The following PRDM5 variants were observed in gnomAD, a reference collection of about 807,000 sequenced individuals.
PRDM5 encodes the protein PR/SET domain 5.
Under a neutral mutation model 81.2 loss-of-function variants are expected in PRDM5, and 56 were observed. The ratio of observed to expected loss-of-function variants is 0.69; its 90% confidence interval spans 0.56 to 0.86. The LOEUF (loss-of-function observed/expected upper bound fraction) is 0.86. Ranked by LOEUF, PRDM5 falls within the 40% of genes least tolerant of loss-of-function variation. The probability of loss-of-function intolerance (pLI) is 0.00; values close to 1 mark genes in which losing one functional copy is unlikely to be tolerated. For missense variants in PRDM5, 697 were observed against 770.1 expected (o/e 0.91, Z 1.12); for synonymous variants, 267 against 256.4 (o/e 1.04, Z -0.39).
At chr4:120,686,285 A>G (rs756486821) in intron 1 of PRDM5, among the ~76,000 whole-genome samples, 1 of 152,024 alleles carries the variant, frequency 6.6e-6, no homozygotes, top group Non-Finnish European at 1.5e-5. Context: ...TACTCCTTTC[A>G]TTCTTCTTTC....
At chr4:120,863,191 T>TACACAC (rs370387683) in intron 2 of PRDM5, among the ~76,000 whole-genome samples, 7,426 of 69,876 alleles carry the variant, frequency 0.11, 527 homozygotes, top group Middle Eastern at 0.16. Context: ...TATATATATA[T>TACACAC]ACACACACAC....
chr4:120,885,126 C>T (rs1315520221), intron 2 of PRDM5, among the ~76,000 whole-genome samples: 6 of 118,322 alleles, frequency 5.1e-5, no homozygotes, highest in African/African-American at 1.9e-4. Flanking sequence ...CAGAGCAAGA[C>T]TCCGTATCAA....
chr4:120,793,660 T>C (rs1750909646), intron 10 of PRDM5, among the ~76,000 whole-genome samples: 1 of 152,204 alleles, frequency 6.6e-6, no homozygotes. Context: ...CAAATAAAAA[T>C]TGTATCTATA....
intron 3 of PRDM5, chr4:120,838,613 ACCT>A (rs1311327622): frequency 6.6e-6 from 1 of 152,230 alleles, no homozygotes; most frequent in African/African-American, 2.4e-5. Context: ...AAACTGTTCC[ACCT>A]CAGATCACCA....
intron 13 of PRDM5, among the ~76,000 whole-genome samples, chr4:120,768,994 G>C (rs1046327361): frequency 1.3e-5 from 2 of 152,224 alleles, no homozygotes; most frequent in African/African-American, 4.8e-5. Flanking sequence ...AGATTGGGAA[G>C]TGTAGCATTT....
chr4:120,706,688 G>A (rs59315146), intron 15 of PRDM5, among the ~76,000 whole-genome samples: 4,797 of 65,048 alleles, frequency 0.074, 262 homozygotes, highest in African/African-American at 0.21. Flanking sequence ...GATGAGTAAC[G>A]TGTCATTTGG....
intron 2 of PRDM5, among the ~76,000 whole-genome samples, chr4:120,855,692 T>A (rs943730794): frequency 8.5e-5 from 13 of 152,210 alleles, no homozygotes; most frequent in Non-Finnish European, 1.8e-4. Flanking sequence ...CTGTTTATAT[T>A]GACAAAAAGC....
At chr4:120,888,370 G>A (rs79336395) in intron 2 of PRDM5, among the ~76,000 whole-genome samples, 2,222 of 152,242 alleles carry the variant, frequency 0.015, 155 homozygotes, top group East Asian at 0.14. Flanking sequence ...GAATCAAACA[G>A]ATGTATTCCA....
intron 15 of PRDM5, among the ~76,000 whole-genome samples, chr4:120,706,902 C>A (rs181961175): frequency 8.2e-4 from 124 of 151,284 alleles, no homozygotes; most frequent in Non-Finnish European, 1.1e-3. Context: ...ATTAAAAAGA[C>A]CAATAAAGAG....
At chr4:120,785,547 C>T (rs1248415909) in intron 10 of PRDM5, among the ~76,000 whole-genome samples, 2 of 152,090 alleles carry the variant, frequency 1.3e-5, no homozygotes, top group Non-Finnish European at 2.9e-5. Flanking sequence ...TGAATCAGTT[C>T]AAATAATTCT....
At chr4:120,805,353 A>T (rs1294008235) in intron 8 of PRDM5, among the ~76,000 whole-genome samples, 2 of 152,242 alleles carry the variant, frequency 1.3e-5, no homozygotes, top group Non-Finnish European at 2.9e-5. Flanking sequence ...TCATTTTGTG[A>T]GGCCAGCATC....
At chr4:120,715,859 G>C (rs1578453680) in intron 14 of PRDM5, among the ~76,000 whole-genome samples, 1 of 152,112 alleles carries the variant, frequency 6.6e-6, no homozygotes, top group Non-Finnish European at 1.5e-5. Flanking sequence ...GCAAGAAGAG[G>C]TATCAGGGAA....
intron 14 of PRDM5, among the ~76,000 whole-genome samples, chr4:120,727,788 A>G (rs1033037072): frequency 1.3e-5 from 2 of 151,952 alleles, no homozygotes; most frequent in African/African-American, 4.8e-5. Context: ...ATACAAAAAA[A>G]TTAGCTGGAC....
At chr4:120,865,599 A>T (rs937677131) in intron 2 of PRDM5, among the ~76,000 whole-genome samples, 2 of 152,182 alleles carry the variant, frequency 1.3e-5, no homozygotes, top group African/African-American at 4.8e-5. Context: ...GGTTATAGCG[A>T]TGCATGGTTG....
rs1553941480 is a variant in PRDM5, at chr4:120,695,314, T to C, written c.1729-39A>G. On this transcript the variant is annotated intron_variant, in intron 15 of 15. Transcript: ENST00000264808. ...AAAGACCAACCATATTATACTGAAA[T>C]AAACAAAATTTATAAACAAAATTTA... 6.8e-6 allele frequency: 11 copies of C among 1,607,382 alleles called. No individual in the cohort carries two copies. The South Asian group carries it at 1.2e-4, about 18-fold the overall frequency.
At chr4:120,742,747 C>T (rs998732426) in intron 14 of PRDM5, among the ~76,000 whole-genome samples, 25 of 152,044 alleles carry the variant, frequency 1.6e-4, no homozygotes, top group Middle Eastern at 6.8e-3. Flanking sequence ...TAAAAAGAAA[C>T]GAGCAAAGCC....
rs1326321907 is a variant in PRDM5 at position 120,746,724 on chromosome 4, C to T, written c.1623+7829G>A. Among the ~76,000 whole-genome samples, 3 of 147,322 alleles carry T rather than the reference C, an allele frequency of 2.0e-5. No individual in the cohort carries two copies. The Admixed American group carries it at 2.1e-4, about 10-fold the overall frequency. On this transcript the variant is annotated intron_variant, in intron 14 of 15. Coordinates refer to ENST00000264808, the MANE Select transcript of PRDM5 (RefSeq NM_018699.4). Reference sequence around the variant, plus strand: ...GCCATCAGAGAAATGCAAATCAAAACCACAATGAGATACCATCTCACACCA... The same window carrying T: ...GCCATCAGAGAAATGCAAATCAAAATCACAATGAGATACCATCTCACACCA...
chr4:120,689,436 C>T (rs1390560), downstream of PRDM5, among the ~76,000 whole-genome samples: 146,217 of 151,970 alleles, frequency 0.96, 70,606 homozygotes, highest in Non-Finnish European at 1. Flanking sequence ...TAAAGCTATG[C>T]ACTGTGTTTG....
Position 120,692,643 on chromosome 4 carries a change from C to T in PRDM5, c.*2468G>A, listed in dbSNP as rs766852926. 6.6e-6 allele frequency: 1 copy of T among 152,040 alleles called. No homozygotes were observed. Among genetic ancestry groups the T allele is most frequent in the Non-Finnish European group, 1.5e-5 (1 of 67,998 alleles). 9.4% of individuals were successfully genotyped at this position (152,040 alleles called of 1,614,324 possible). A position where few individuals can be genotyped will look rare whatever the true frequency, so the allele number is the denominator to read the frequency against. Reference sequence around the variant, plus strand: ...TGAACCCACCTACATTATTGAACGTCTCTTAAATTTACTTAGCCAATTTCT... The same window carrying T: ...TGAACCCACCTACATTATTGAACGTTTCTTAAATTTACTTAGCCAATTTCT... On this transcript the variant is annotated 3_prime_UTR_variant, in exon 16 of 16. Coordinates refer to ENST00000264808, the MANE Select transcript of PRDM5 (RefSeq NM_018699.4).
Sources: allele counts gnomAD v4.1 joint callset (sites outside exome capture counted in the v4.1 genomes callset), GRCh38; gene constraint gnomAD v4.1.1; transcripts MANE v1.5; gene names NCBI Gene and HGNC (gene_info 2026-07-23, HGNC 2026-07-21).